Variants in SLC1A1 observed in about 807,000 individuals in gnomAD.
SLC1A1 encodes the protein solute carrier family 1 member 1.
Under a neutral mutation model 53.3 loss-of-function variants are expected in SLC1A1, and 43 were observed. The observed-to-expected ratio is 0.81, with a 90% CI of 0.63 to 1.04. The LOEUF is 1.04. SLC1A1 is among the 50% of genes least tolerant of loss of function. SLC1A1 has a pLI of 0.00. For synonymous variants in SLC1A1, 307 were observed against 243.2 expected (o/e 1.26, Z -2.44); for missense variants, 748 against 664.9 (o/e 1.12, Z -1.37).
intron 1 of SLC1A1, among the ~76,000 whole-genome samples, chr9:4,510,543 G>A (rs1280552954): frequency 6.6e-6 from 1 of 152,158 alleles, no homozygotes; most frequent in African/African-American, 2.4e-5. Context: ...TCCAGTACAG[G>A]GGTTTAATAT....
In SLC1A1 at chr9:4,505,814, G is replaced by A. The variant is rs376910417; in HGVS notation, c.91+15044G>A. ...TGGGATTATAGGCATGTGCCACCAC[G>A]CCCAGCTAATTTTTGTACTTTTAGT... On this transcript the variant is annotated intron_variant, in intron 1 of 11. Coordinates refer to ENST00000262352, the MANE Select transcript of SLC1A1 (RefSeq NM_004170.6). Among the ~76,000 whole-genome samples, 9 of 152,092 alleles carry A rather than the reference G, an allele frequency of 5.9e-5. No homozygotes were observed. The East Asian group carries it at 7.7e-4, about 13-fold the overall frequency.
intron 2 of SLC1A1, among the ~76,000 whole-genome samples, chr9:4,545,300 T>A (rs73383415): frequency 0.01 from 1,559 of 152,070 alleles, 30 homozygotes; most frequent in African/African-American, 0.036. Context: ...CTTTGTCATA[T>A]GCTGTGCCTA....
chr9:4,495,781 C>A (rs773725868), intron 1 of SLC1A1, among the ~76,000 whole-genome samples: 5 of 151,988 alleles, frequency 3.3e-5, no homozygotes, highest in Non-Finnish European at 7.4e-5. Flanking sequence ...AGGAGTGGAA[C>A]AGAATGAAAA....
chr9:4,511,290 G>C (rs995188696), intron 1 of SLC1A1, among the ~76,000 whole-genome samples: 8 of 152,026 alleles, frequency 5.3e-5, no homozygotes, highest in Non-Finnish European at 8.8e-5. Context: ...TCTGCTGAGG[G>C]CCCACCTCCT....
chr9:4,585,401 T>C lies in SLC1A1; in HGVS notation c.1418T>C (p.Met473Thr), dbSNP rs374314742. 8 of 1,614,122 alleles carry C rather than the reference T, an allele frequency of 5.0e-6. No individual in the cohort carries two copies. The highest frequency in any genetic ancestry group is 2.7e-5 in the African/African-American group (2 of 74,938). ...CTCTCCAAGAAGGAGCTGGAGCAGA[T>C]GGATGTTTCATCTGAAGTCAACATT... ...EKLSKKELEQ[M>T]DVSSEVNIVN... Residue 473 changes from methionine (M) to threonine (T), a missense_variant, in exon 12 of 12, where the codon ATG becomes ACG. Transcript: ENST00000262352.
rs962833584 is a variant in SLC1A1 at position 4,549,032 on chromosome 9, T to A, written c.232+4325T>A. Among the ~76,000 whole-genome samples, 1 of 152,136 alleles carries A rather than the reference T, an allele frequency of 6.6e-6. No individual in the cohort carries two copies. Among genetic ancestry groups the A allele is most frequent in the African/African-American group, 2.4e-5 (1 of 41,438 alleles). ...CCTGAGAATTGTGGCTCTGGAAAAATCCTGGTCCAGCCAGTGAGTTTAAAT... is the reference window on the plus strand; with the variant it reads ...CCTGAGAATTGTGGCTCTGGAAAAAACCTGGTCCAGCCAGTGAGTTTAAAT... On this transcript the variant is annotated intron_variant, in intron 2 of 11. Transcript: ENST00000262352. The surrounding 1 kb of genome is among the most constrained non-coding windows in gnomAD (Gnocchi z 4.1).
At chr9:4,555,277 C>A (rs1345621530) in intron 2 of SLC1A1, among the ~76,000 whole-genome samples, 1 of 152,134 alleles carries the variant, frequency 6.6e-6, no homozygotes, top group East Asian at 1.9e-4. Flanking sequence ...CATAACACCA[C>A]CAAATGTCAG....
At chr9:4,542,212 A>G (rs185756947) in intron 1 of SLC1A1, among the ~76,000 whole-genome samples, 67 of 152,214 alleles carry the variant, frequency 4.4e-4, no homozygotes, top group African/African-American at 1.6e-3. Context: ...GGAAGGAAGG[A>G]AGGAATATTG....
chr9:4,524,350 T>A (rs1433626843), intron 1 of SLC1A1, among the ~76,000 whole-genome samples: 3 of 152,144 alleles, frequency 2.0e-5, no homozygotes, highest in Non-Finnish European at 2.9e-5. Flanking sequence ...ATGAATTGGT[T>A]CTCCCACCAT....
intron 1 of SLC1A1, among the ~76,000 whole-genome samples, chr9:4,520,063 AG>A (rs1405410358): frequency 6.6e-6 from 1 of 152,232 alleles, no homozygotes; most frequent in East Asian, 1.9e-4. Context: ...TAAGCTCTTA[AG>A]CATCTCCTTT....
chr9:4,575,959 G>A (rs772907988), intron 8 of SLC1A1, 42 bp from the exon 9 acceptor site: 4 of 1,607,538 alleles, frequency 2.5e-6, no homozygotes, highest in Middle Eastern at 1.6e-4. Context: ...GTGGGGAGGT[G>A]GTATTATCTT....
chr9:4,547,523 C>G (rs981727267), intron 2 of SLC1A1, among the ~76,000 whole-genome samples: 2 of 152,178 alleles, frequency 1.3e-5, no homozygotes, highest in African/African-American at 2.4e-5. Context: ...AGCAACAAGA[C>G]TAGTGTTGGC....
chr9:4,568,231 G>A (rs1819670424), intron 6 of SLC1A1, among the ~76,000 whole-genome samples: 1 of 151,958 alleles, frequency 6.6e-6, no homozygotes, highest in Non-Finnish European at 1.5e-5. Flanking sequence ...ACCAGTCTGC[G>A]CAACATAGTG....
rs187183567 is a variant in SLC1A1 at position 4,586,475 on chromosome 9, G to C, written c.*917G>C. ...TATGGTGATACTCCAAGGTGGCATA[G>C]CCATTCATTTACAACTTCCAGATTT... On this transcript the variant is annotated 3_prime_UTR_variant, in exon 12 of 12. Coordinates refer to ENST00000262352, the MANE Select transcript of SLC1A1 (RefSeq NM_004170.6). 1.3e-5 allele frequency: 2 copies of C among 152,240 alleles called. No individual in the cohort carries two copies. Among genetic ancestry groups the C allele is most frequent in the Non-Finnish European group, 2.9e-5 (2 of 68,014 alleles). The allele number at this position is 152,240 out of a possible 1,614,324, so 9.4% of individuals were successfully genotyped here.
At chr9:4,502,633 G>C (rs906194893) in intron 1 of SLC1A1, among the ~76,000 whole-genome samples, 3 of 151,628 alleles carry the variant, frequency 2.0e-5, no homozygotes, top group Non-Finnish European at 4.4e-5. Context: ...CTTAGGTCAT[G>C]TAGCTGAGCA....
At chr9:4,512,352 A>T (rs1220587341) in intron 1 of SLC1A1, among the ~76,000 whole-genome samples, 1 of 152,044 alleles carries the variant, frequency 6.6e-6, no homozygotes, top group Non-Finnish European at 1.5e-5. Context: ...ACAAAAAAAT[A>T]CAAAACTTAG....
intron 10 of SLC1A1, among the ~76,000 whole-genome samples, chr9:4,580,727 A>AGTAATAGTAGTAGTAGTAGTTGTT (rs1198683461): frequency 6.6e-6 from 1 of 151,438 alleles, no homozygotes; most frequent in African/African-American, 2.4e-5. Flanking sequence ...AAGTAGCAGT[A>AGTAATAGTAGTAGTAGTAGTTGTT]GTAATAGTAG....
chr9:4,573,381 A>T (rs1457308574), intron 7 of SLC1A1, among the ~76,000 whole-genome samples: 6 of 152,242 alleles, frequency 3.9e-5, no homozygotes, highest in Non-Finnish European at 8.8e-5. Context: ...CCCCAGGGAT[A>T]GGAGAAGTAC....
At chr9:4,576,786 T>C (rs760130029) in intron 10 of SLC1A1, 23 bp downstream of exon 10, 3 of 1,598,482 alleles carry the variant, frequency 1.9e-6, no homozygotes, top group East Asian at 2.2e-5. Flanking sequence ...GTCACATTCA[T>C]TGTCATCACT....
Sources: allele counts gnomAD v4.1 joint callset (sites outside exome capture counted in the v4.1 genomes callset), GRCh38; gene constraint gnomAD v4.1.1; non-coding constraint Gnocchi (gnomAD v3.1); transcripts MANE v1.5; gene names NCBI Gene and HGNC (gene_info 2026-07-23, HGNC 2026-07-21).